Variants in NKAIN2 observed in about 807,000 individuals in gnomAD.
The protein encoded by NKAIN2 is sodium/potassium transporting ATPase interacting 2, also known as sodium/potassium-transporting ATPase subunit beta-1-interacting protein 2.
A neutral mutation model predicts 32.6 loss-of-function variants in NKAIN2; 14 were observed. The observed-to-expected ratio is 0.43, with a 90% confidence interval of 0.28 to 0.67. The LOEUF (loss-of-function observed/expected upper bound fraction) is 0.67. Ranked by LOEUF, NKAIN2 falls within the 30% of genes least tolerant of loss-of-function variation. NKAIN2 has a pLI of 0.17. For synonymous variants in NKAIN2, 80 were observed against 87.2 expected (o/e 0.92, Z 0.46); for missense variants, 198 against 258.3 (o/e 0.77, Z 1.60).
At chr6:124,669,613 G>A (rs1319185216) in intron 4 of NKAIN2, among the ~76,000 whole-genome samples, 1 of 151,980 alleles carries the variant, frequency 6.6e-6, no homozygotes, top group Non-Finnish European at 1.5e-5. Flanking sequence ...GCATTATCTG[G>A]AGCTCTGACC....
intron 1 of NKAIN2, among the ~76,000 whole-genome samples, chr6:123,876,765 G>A (rs1025977986): frequency 1.3e-5 from 2 of 152,102 alleles, no homozygotes; most frequent in Non-Finnish European, 2.9e-5. Flanking sequence ...CATTGGGGAG[G>A]GCCATCTGCT....
chr6:124,427,775 A>G (rs1775044346), intron 3 of NKAIN2, among the ~76,000 whole-genome samples: 1 of 152,150 alleles, frequency 6.6e-6, no homozygotes, highest in Non-Finnish European at 1.5e-5. Flanking sequence ...GGTCTTATAG[A>G]CCACATATTT....
chr6:124,638,085 T>C (rs1400910151), intron 3 of NKAIN2, among the ~76,000 whole-genome samples: 4 of 152,004 alleles, frequency 2.6e-5, no homozygotes, highest in African/African-American at 9.7e-5. Flanking sequence ...TGGAACAGAA[T>C]AGAGAACCCA....
At chr6:124,764,063 C>T (rs1431547955) in intron 4 of NKAIN2, among the ~76,000 whole-genome samples, 1 of 152,156 alleles carries the variant, frequency 6.6e-6, no homozygotes, top group Non-Finnish European at 1.5e-5. Flanking sequence ...CAACTATAGT[C>T]TTTGGCTCTT....
At chr6:124,557,346 T>TA (rs970413920) in intron 3 of NKAIN2, among the ~76,000 whole-genome samples, 14 of 151,362 alleles carry the variant, frequency 9.2e-5, no homozygotes, top group Admixed American at 1.3e-4. Context: ...TGCCTTTCCC[T>TA]AAAAAAAAAC....
intron 1 of NKAIN2, among the ~76,000 whole-genome samples, chr6:124,183,439 G>A (rs1789552149): frequency 6.6e-6 from 1 of 151,936 alleles, no homozygotes; most frequent in South Asian, 2.1e-4. Flanking sequence ...ATAGAGTATA[G>A]TCTCTGTATT....
intron 1 of NKAIN2, among the ~76,000 whole-genome samples, chr6:123,831,282 A>G (rs1384160552): frequency 6.6e-6 from 1 of 151,696 alleles, no homozygotes; most frequent in African/African-American, 2.4e-5. Flanking sequence ...TTATATATAT[A>G]ATGTATATAT....
intron 3 of NKAIN2, among the ~76,000 whole-genome samples, chr6:124,583,520 A>G (rs540807352): frequency 3.9e-5 from 6 of 152,322 alleles, no homozygotes; most frequent in East Asian, 1.9e-4. Context: ...GGAAAAATCA[A>G]TATTATTAAT....
intron 4 of NKAIN2, among the ~76,000 whole-genome samples, chr6:124,747,532 T>C (rs1777501071): frequency 6.6e-6 from 1 of 151,868 alleles, no homozygotes; most frequent in Non-Finnish European, 1.5e-5. Flanking sequence ...AGAGAAGTTA[T>C]GCTGAAGCCA....
chr6:123,920,167 A>G (rs1346818154), intron 1 of NKAIN2, among the ~76,000 whole-genome samples: 2 of 152,108 alleles, frequency 1.3e-5, no homozygotes, highest in Admixed American at 6.6e-5. Flanking sequence ...TGCAGATTTT[A>G]TACATTTCTG....
rs529983261 is a variant in NKAIN2, at chr6:124,128,522, A to G, written c.55-154483A>G. The stretch of plus-strand genomic sequence containing the variant: ...TTTATATGTACCCTTAATATTAACT[A>G]TTTGAATTTCCATAATAATCACAAG... On this transcript the variant is annotated intron_variant, in intron 1 of 6. Transcript: ENST00000368417. 8.5e-5 allele frequency among the ~76,000 whole-genome samples: 13 copies of G among 152,262 alleles called. No homozygotes were observed. In the East Asian group the frequency reaches 2.5e-3, roughly 29 times the overall value.
chr6:124,221,216 C>A (rs926461161), intron 1 of NKAIN2, among the ~76,000 whole-genome samples: 6 of 151,752 alleles, frequency 4.0e-5, no homozygotes, highest in Non-Finnish European at 8.8e-5. Flanking sequence ...CCATGGAATA[C>A]TATGCAGCCA....
In NKAIN2 at chr6:124,260,734, T is replaced by C. The variant is rs150531572; in HGVS notation, c.55-22271T>C. On this transcript the variant is annotated intron_variant, in intron 1 of 6. Coordinates refer to ENST00000368417, the MANE Select transcript of NKAIN2 (RefSeq NM_001040214.3). ...ATTTTAAGAGGATTACTCTGGCTTT[T>C]ATCCTGTAAATAGATTGCAAGGGAA... is the stretch of plus-strand genomic sequence containing the variant. 1.1e-3 allele frequency among the ~76,000 whole-genome samples: 171 copies of C among 152,122 alleles called. 5 individuals carry two copies. The East Asian group carries it at 0.027, about 24-fold the overall frequency.
chr6:124,649,165 T>A (rs559092265), intron 3 of NKAIN2, among the ~76,000 whole-genome samples: 5 of 152,010 alleles, frequency 3.3e-5, no homozygotes, highest in African/African-American at 1.2e-4. Flanking sequence ...AAATAAGAAA[T>A]CAGTAGTGAA....
intron 3 of NKAIN2, among the ~76,000 whole-genome samples, chr6:124,555,410 G>A (rs1780436149): frequency 2.0e-5 from 3 of 152,118 alleles, no homozygotes; most frequent in African/African-American, 7.2e-5. Context: ...TCTATGACAA[G>A]AACTTACAAC....
At chr6:124,449,667 C>G (rs544009424) in intron 3 of NKAIN2, among the ~76,000 whole-genome samples, 1 of 152,048 alleles carries the variant, frequency 6.6e-6, no homozygotes, top group Non-Finnish European at 1.5e-5. Context: ...CATACACACA[C>G]ACACATACAA....
Position 124,548,943 on chromosome 6 carries a change from A to T in NKAIN2, c.274-109243A>T, listed in dbSNP as rs181440090. On this transcript the variant is annotated intron_variant, in intron 3 of 6. Transcript: ENST00000368417. ...AAACTGATTGGTGACAGTTTTTGAG[A>T]AAGAGTAGAAACTAAAGCCTAACTA... Among the ~76,000 whole-genome samples, 6 of 152,310 alleles carry T rather than the reference A, an allele frequency of 3.9e-5. No homozygotes were observed. The South Asian group carries it at 8.3e-4, about 21-fold the overall frequency.
chr6:123,966,237 C>T (rs1177757124), intron 1 of NKAIN2, among the ~76,000 whole-genome samples: 1 of 152,162 alleles, frequency 6.6e-6, no homozygotes, highest in Non-Finnish European at 1.5e-5. Flanking sequence ...CAGGGATACT[C>T]TTCTGCTTTT....
At chr6:124,191,129 A>G (rs1790001005) in intron 1 of NKAIN2, among the ~76,000 whole-genome samples, 2 of 152,368 alleles carry the variant, frequency 1.3e-5, no homozygotes, top group African/African-American at 4.8e-5. Flanking sequence ...ATCATACAAA[A>G]TAGTTATACT....
Sources: allele counts gnomAD v4.1 joint callset (sites outside exome capture counted in the v4.1 genomes callset), GRCh38; gene constraint gnomAD v4.1.1; transcripts MANE v1.5; gene names NCBI Gene and HGNC (gene_info 2026-07-23, HGNC 2026-07-21).